PREX1: variants seen among roughly 807,000 people sequenced by gnomAD.
PREX1 encodes the protein phosphatidylinositol-3,4,5-trisphosphate dependent Rac exchange factor 1.
Under a neutral mutation model 198.3 loss-of-function variants are expected in PREX1, and 41 were observed. That is an observed-to-expected ratio of 0.21 (90% CI 0.16 to 0.27). The LOEUF is 0.27. Ranked by LOEUF, PREX1 falls within the 10% of genes least tolerant of loss-of-function variation. The pLI is 1.00. For missense variants in PREX1, 1,620 were observed against 2,200.7 expected (o/e 0.74, Z 5.28); for synonymous variants, 843 against 887.2 (o/e 0.95, Z 0.89).
the PREX1 span, among the ~76,000 whole-genome samples, chr20:48,864,826 T>C: frequency 6.6e-6 from 1 of 152,218 alleles, no homozygotes; most frequent in Non-Finnish European, 1.5e-5. Context: ...CTGTGGTCCC[T>C]GTGGACCAGG....
Position 48,642,277 on chromosome 20 carries a change from G to A in PREX1, c.3685-19C>T. 3 of 1,613,684 alleles carry A rather than the reference G, an allele frequency of 1.9e-6. No individual in the cohort carries two copies. Among genetic ancestry groups the A allele is most frequent in the Non-Finnish European group, 1.7e-6 (2 of 1,179,552 alleles). On this transcript the variant is annotated intron_variant, in intron 28 of 39. Coordinates refer to ENST00000371941, the MANE Select transcript of PREX1 (RefSeq NM_020820.4). ...AGTCCACCTGGGTGGCAAGAAGCCTGGGGTTGGTTTGGGCCCCGTGGCCCT... is the reference window on the plus strand; with the variant it reads ...AGTCCACCTGGGTGGCAAGAAGCCTAGGGTTGGTTTGGGCCCCGTGGCCCT...
chr20:48,776,838 A>T (rs950350780), intron 1 of PREX1, among the ~76,000 whole-genome samples: 1 of 152,152 alleles, frequency 6.6e-6, no homozygotes, highest in South Asian at 2.1e-4. Context: ...TATTTCTCCT[A>T]AGAGTCAGTG....
chr20:48,886,583 C>T, the PREX1 span, among the ~76,000 whole-genome samples: 4 of 152,182 alleles, frequency 2.6e-5, no homozygotes, highest in African/African-American at 9.7e-5. Context: ...TTAAAGAAAG[C>T]CCCCAGAAGC....
chr20:48,672,744 C>T (rs1478102950), intron 14 of PREX1, among the ~76,000 whole-genome samples: 15 of 152,228 alleles, frequency 9.9e-5, no homozygotes, highest in Admixed American at 9.8e-4. Context: ...GCTCAAATGT[C>T]CCTCCTCAGT....
chr20:48,873,095 C>G, the PREX1 span, among the ~76,000 whole-genome samples: 1 of 152,170 alleles, frequency 6.6e-6, no homozygotes. Flanking sequence ...TCAGCTGGGC[C>G]TCTGGCCATT....
At chr20:48,839,776 TG>T in the PREX1 span, among the ~76,000 whole-genome samples, 1 of 152,170 alleles carries the variant, frequency 6.6e-6, no homozygotes, top group African/African-American at 2.4e-5. Context: ...CTCCCACACA[TG>T]CTCCTCCTTG....
At chr20:48,758,785 ACATT>A (rs1034385268) in intron 1 of PREX1, among the ~76,000 whole-genome samples, 2 of 152,192 alleles carry the variant, frequency 1.3e-5, no homozygotes, top group African/African-American at 4.8e-5. Flanking sequence ...GCCCCAAGGC[ACATT>A]CAGTCTTTCC....
At chr20:48,726,503 G>A (rs1568841087) in intron 4 of PREX1, 112 bp from the exon 5 acceptor site, 11 of 756,210 alleles carry the variant, frequency 1.5e-5, no homozygotes, top group South Asian at 4.8e-5. Flanking sequence ...CTTGGCAAGC[G>A]ATTTAGCGAC....
At chr20:48,796,825 TTTAAA>T (rs1258492101) in intron 1 of PREX1, among the ~76,000 whole-genome samples, 2 of 151,294 alleles carry the variant, frequency 1.3e-5, no homozygotes, top group African/African-American at 4.8e-5. Flanking sequence ...GCTGTAACAT[TTTAAA>T]TTAATTTAAA....
intron 9 of PREX1, among the ~76,000 whole-genome samples, chr20:48,689,966 T>C (rs532815782): frequency 6.6e-6 from 1 of 152,270 alleles, no homozygotes; most frequent in South Asian, 2.1e-4. Context: ...CAGGGACTTG[T>C]TGATCTATTG....
At position 48,692,769 on chromosome 20, in the gene PREX1, G is replaced by A; in HGVS notation, c.939C>T (p.Ser313=). ...CGTTGATGGATTTGGTCCTCTTGGT[G>A]GACTTCTTGCTCCCGGTGACCCTGA... The part of the protein sequence containing the change: ...RKSRVTGSKK[S]TKRTKSINGS... Residue 313 remains serine (S), a synonymous_variant, in exon 8 of 40, where the codon TCC becomes TCT. Coordinates refer to ENST00000371941, the MANE Select transcript of PREX1 (RefSeq NM_020820.4). 2 of 1,613,900 alleles carry A rather than the reference G, an allele frequency of 1.2e-6. No homozygotes were observed. Among genetic ancestry groups the A allele is most frequent in the Non-Finnish European group, 1.7e-6 (2 of 1,179,958 alleles).
At chr20:48,834,203 T>C in the PREX1 span, among the ~76,000 whole-genome samples, 2 of 152,166 alleles carry the variant, frequency 1.3e-5, no homozygotes, top group Admixed American at 6.5e-5. Context: ...GAGTAAAAGT[T>C]GAGAAAAGGG....
intron 30 of PREX1, among the ~76,000 whole-genome samples, chr20:48,638,899 G>A (rs1229455343): frequency 6.6e-6 from 1 of 152,176 alleles, no homozygotes; most frequent in Admixed American, 6.5e-5. Flanking sequence ...AAGCCCTGGT[G>A]GTCTGGACCC....
chr20:48,746,651 T>C (rs926430422), intron 2 of PREX1, among the ~76,000 whole-genome samples: 9 of 152,152 alleles, frequency 5.9e-5, no homozygotes, highest in Non-Finnish European at 1.0e-4. Context: ...GGAAATGCTC[T>C]CTGCCTTCAT....
At chr20:48,708,058 TCA>T (rs2089911834) in intron 6 of PREX1, among the ~76,000 whole-genome samples, 200 bp downstream of exon 6, 2 of 152,208 alleles carry the variant, frequency 1.3e-5, no homozygotes, top group African/African-American at 2.4e-5. Context: ...GGGCCCAGTG[TCA>T]CCAAGTTTTT....
the PREX1 span, among the ~76,000 whole-genome samples, chr20:48,886,739 A>G: frequency 6.6e-6 from 1 of 152,252 alleles, no homozygotes; most frequent in African/African-American, 2.4e-5. Context: ...AATTCATTTA[A>G]CTTTCTCCAC....
chr20:48,749,602 T>C (rs2090125084), intron 1 of PREX1, among the ~76,000 whole-genome samples: 1 of 152,180 alleles, frequency 6.6e-6, no homozygotes, highest in South Asian at 2.1e-4. Context: ...GACACGTCCA[T>C]GCCTGCCCCC....
intron 5 of PREX1, among the ~76,000 whole-genome samples, chr20:48,721,105 T>C (rs2089983340): frequency 6.6e-6 from 1 of 152,232 alleles, no homozygotes; most frequent in South Asian, 2.1e-4. Context: ...AAAGTCCCAA[T>C]TTCTGGATTC....
At chr20:48,782,295 C>T (rs955781711) in intron 1 of PREX1, among the ~76,000 whole-genome samples, 1 of 152,028 alleles carries the variant, frequency 6.6e-6, no homozygotes, top group Non-Finnish European at 1.5e-5. Context: ...ATGCGGTTCT[C>T]GTGGTATTGA....
Sources: gnomAD v4.1 joint callset for allele counts (sites outside exome capture counted in the v4.1 genomes callset) on GRCh38, gnomAD v4.1.1 for gene constraint, MANE v1.5 for transcripts, NCBI Gene and HGNC (gene_info 2026-07-23, HGNC 2026-07-21) for gene names.